MN1: variants seen among roughly 807,000 people sequenced by gnomAD.
The protein encoded by MN1 is transcriptional activator MN1.
A neutral mutation model predicts 86.9 loss-of-function variants in MN1; 19 were observed. The ratio of observed to expected loss-of-function variants is 0.22; its 90% CI spans 0.15 to 0.32. MN1 has a LOEUF of 0.32. MN1 is among the 10% of genes least tolerant of loss of function. MN1 has a pLI of 1.00. For missense variants in MN1, 1,841 were observed against 1,862.0 expected, an observed-to-expected ratio of 0.99 and a Z score of 0.21; for synonymous variants, 928 against 849.6, an observed-to-expected ratio of 1.09 and a Z score of -1.60.
Position 27,799,614 on chromosome 22 carries a change from A to ATGCTGCTGCTGCTGCTGCTGGGGC in MN1, c.906_929dup (p.Gln302_Gln309dup), listed in dbSNP as rs771479595. On this transcript the variant is annotated inframe_insertion, in exon 1 of 2. Coordinates refer to ENST00000302326, the MANE Select transcript of MN1 (RefSeq NM_002430.3). ...CACTGAACCTCTCAAAGAACACACC[A>ATGCTGCTGCTGCTGCTGCTGGGGC]TGCTGCTGCTGCTGCTGCTGGGGCT... The ATGCTGCTGCTGCTGCTGCTGGGGC allele has an allele frequency of 1.9e-6, 3 of 1,540,068 alleles. No homozygotes were observed. The highest frequency in any genetic ancestry group is 2.6e-6 in the Non-Finnish European group (3 of 1,141,630).
rs1933421692 is a variant in MN1 at position 27,800,734 on chromosome 22, C to T, written c.-191G>A. 16 of 661,448 alleles carry T rather than the reference C, an allele frequency of 2.4e-5. No homozygotes were observed. Among genetic ancestry groups the T allele is most frequent in the South Asian group, 1.3e-4 (7 of 52,118 alleles). The allele number at this position is 661,448 out of a possible 1,614,324, so 41.0% of individuals were successfully genotyped here. On this transcript the variant is annotated 5_prime_UTR_variant, in exon 1 of 2. Transcript: ENST00000302326. ...CGGGGTATTAGCTCCTCTCCTGAAG[C>T]TCCGATTCTGCCCGGGGAGGGCCTC...
Position 27,796,731 on chromosome 22 carries a change from G to A in MN1, c.3781+32C>T, listed in dbSNP as rs199550060. 27 of 1,549,602 alleles carry A rather than the reference G, an allele frequency of 1.7e-5. No individual in the cohort carries two copies. In the African/African-American group the frequency reaches 2.8e-4, roughly 16 times the overall value. ...GCCCTGGGGATGGGGCGGGTCACCC[G>A]GGAAGTGAGAGGAAAACGAGTGTGC... On this transcript the variant is annotated intron_variant, in intron 1 of 1. Transcript: ENST00000302326.
In MN1 at chr22:27,800,203, A is replaced by G. The variant is rs776415356; in HGVS notation, c.341T>C (p.Phe114Ser). 28 of 1,561,820 alleles carry G rather than the reference A, an allele frequency of 1.8e-5. No individual in the cohort carries two copies. Among genetic ancestry groups the G allele is most frequent in the Non-Finnish European group, 2.3e-5 (27 of 1,156,454 alleles). Residue 114 changes from phenylalanine (F) to serine (S), a missense_variant, in exon 1 of 2, where the codon TTT becomes TCT. Phe to Ser is a radical substitution (Grantham distance 155, BLOSUM62 -2). Coordinates refer to ENST00000302326, the MANE Select transcript of MN1 (RefSeq NM_002430.3). ...SHHPHQHHPH[F>S]GGNFGGPDPG... ...GTCCGGGCCACCGAAGTTGCCCCCA[A>G]AGTGGGGGTGATGCTGGTGGGGATG...
At chr22:27,772,230 G>C (rs1458095485) in intron 1 of MN1, among the ~76,000 whole-genome samples, 1 of 152,148 alleles carries the variant, frequency 6.6e-6, no homozygotes, top group Non-Finnish European at 1.5e-5. Flanking sequence ...GCAGGGGCTG[G>C]GCCAACTCAG....
In MN1 at chr22:27,800,669, A is replaced by C; in HGVS notation, c.-126T>G. 1 of 1,371,770 alleles carries C rather than the reference A, an allele frequency of 7.3e-7. No homozygotes were observed. The highest frequency in any genetic ancestry group is 2.5e-5 in the East Asian group (1 of 40,806). The allele number at this position is 1,371,770 out of a possible 1,614,324, so 85.0% of individuals were successfully genotyped here. On this transcript the variant is annotated 5_prime_UTR_variant, in exon 1 of 2. Coordinates refer to ENST00000302326, the MANE Select transcript of MN1 (RefSeq NM_002430.3). ...GGGACGCTCAGCACCGCGGGGGCTC[A>C]GCGCGCACCTCCACCCCGCCTGATG...
chr22:27,796,780 T>C lies in MN1; in HGVS notation c.3764A>G (p.Asn1255Ser). 6.2e-7 allele frequency: 1 copy of C among 1,601,770 alleles called. No individual in the cohort carries two copies. Among genetic ancestry groups the C allele is most frequent in the Non-Finnish European group, 8.5e-7 (1 of 1,177,282 alleles). The change falls in exon 1 of 2, where the codon AAC becomes AGC. Residue 1255 changes from asparagine to serine, a missense_variant. Physicochemically the swap from Asn to Ser is conservative, Grantham distance 46 (BLOSUM62 1). Coordinates refer to ENST00000302326, the MANE Select transcript of MN1 (RefSeq NM_002430.3). ...GCATATACCTTCTTTGCTGTTGGGG[T>C]TCTGGGGTTTGGCCTTCTCCCAGGG... Reference protein sequence around the residue: ...LAPWEKAKPQNPNSKEAHDLP... With the variant: ...LAPWEKAKPQSPNSKEAHDLP...
chr22:27,770,052 T>C (rs561792084), intron 1 of MN1, among the ~76,000 whole-genome samples: 4 of 152,250 alleles, frequency 2.6e-5, no homozygotes, highest in South Asian at 2.1e-4. Context: ...TAATCCAATA[T>C]TGACAATGAG....
chr22:27,758,866 C>A (rs1238188639), intron 1 of MN1, among the ~76,000 whole-genome samples: 1 of 152,148 alleles, frequency 6.6e-6, no homozygotes, highest in African/African-American at 2.4e-5. Flanking sequence ...AGCTCTATTA[C>A]CCAGGTTGGA....
chr22:27,764,642 A>C (rs2146298187), intron 1 of MN1, among the ~76,000 whole-genome samples: 1 of 152,320 alleles, frequency 6.6e-6, no homozygotes, highest in Middle Eastern at 3.4e-3. Flanking sequence ...GCTGAGGGCA[A>C]GTCACTTAAT....
Position 27,798,068 on chromosome 22 carries a change from C to T in MN1, c.2476G>A (p.Ala826Thr). Reference protein sequence around the residue: ...KDNLFGQSCLAALSTACQNMI... With the variant: ...KDNLFGQSCLTALSTACQNMI... The stretch of plus-strand genomic sequence containing the variant: ...TTCTGGCAAGCGGTGGAGAGCGCAG[C>T]CAGGCAGCTCTGGCCGAACAGGTTG... The change falls in exon 1 of 2, where the codon GCT (alanine) becomes ACT (threonine). Residue 826 changes from alanine (A) to threonine (T), a missense_variant. Transcript: ENST00000302326. 1 of 1,611,274 alleles carries T rather than the reference C, an allele frequency of 6.2e-7. No homozygotes were observed. Among genetic ancestry groups the T allele is most frequent in the Non-Finnish European group, 8.5e-7 (1 of 1,179,866 alleles).
At position 27,799,488 on chromosome 22, in the gene MN1, G is replaced by GGGCTGCTGCTGA; in HGVS notation, c.1044_1055dup (p.Gln349_Pro352dup). 6.9e-7 allele frequency: 1 copy of GGGCTGCTGCTGA among 1,454,018 alleles called. No homozygotes were observed. The highest frequency in any genetic ancestry group is 1.5e-5 in the South Asian group (1 of 68,086). The allele number at this position is 1,454,018 out of a possible 1,614,324, so 90.1% of individuals were successfully genotyped here. A position where few individuals can be genotyped will look rare whatever the true frequency, so the allele number is the denominator to read the frequency against. ...GCTGCTGCTGTGGCGGCTGCTGCGGGGGCTGCTGCTGAGGGGGTGGCGGGG... is the reference window on the plus strand; with the variant it reads ...GCTGCTGCTGTGGCGGCTGCTGCGGGGGCTGCTGCTGAGGCTGCTGCTGAGGGGGTGGCGGGG... On this transcript the variant is annotated inframe_insertion, in exon 1 of 2. Transcript: ENST00000302326.
intron 1 of MN1, among the ~76,000 whole-genome samples, chr22:27,757,910 C>G (rs982183386): frequency 2.0e-5 from 3 of 152,064 alleles, no homozygotes; most frequent in African/African-American, 7.2e-5. Flanking sequence ...CTCCCCATCC[C>G]CCACAGTCAG....
intron 1 of MN1, among the ~76,000 whole-genome samples, chr22:27,782,292 T>C (rs879352274): frequency 1.4e-4 from 22 of 152,136 alleles, no homozygotes; most frequent in Non-Finnish European, 2.5e-4. Context: ...AGGCCTGAAA[T>C]TGCTGACGCA....
rs1568980739 is a variant in MN1 at position 27,792,344 on chromosome 22, ATATATAT to A, written c.3781+4412_3781+4418del. Among the ~76,000 whole-genome samples the A allele has an allele frequency of 2.0e-3, 276 of 135,936 alleles. 1 individual carries two copies. Among genetic ancestry groups the A allele is most frequent in the Middle Eastern group, 7.6e-3 (2 of 262 alleles). 89.2% of individuals were successfully genotyped at this position (135,936 alleles called of 152,430 possible). ...TATATATATATATATATATATATAT[ATATATAT>A]GAATATATAAATATATTTTGCATAT... On this transcript the variant is annotated intron_variant, in intron 1 of 1. Transcript: ENST00000302326.
Position 27,749,898 on chromosome 22 carries a change from G to A in MN1, c.*1017C>T, listed in dbSNP as rs1932746794. On this transcript the variant is annotated 3_prime_UTR_variant, in exon 2 of 2. Transcript: ENST00000302326. The stretch of plus-strand genomic sequence containing the variant: ...CCCCTCCTTCTTCCCTGGGATGCCC[G>A]GCCAGGAACAGCTTTCAGAAAAGGG... 2.6e-5 allele frequency: 6 copies of A among 230,346 alleles called. No individual in the cohort carries two copies. The highest frequency in any genetic ancestry group is 2.3e-4 in the Admixed American group (4 of 17,682). 14.3% of individuals were successfully genotyped at this position (230,346 alleles called of 1,614,324 possible). A position where few individuals can be genotyped will look rare whatever the true frequency, so the allele number is the denominator to read the frequency against.
intron 1 of MN1, among the ~76,000 whole-genome samples, chr22:27,758,150 C>CGCA (rs1932813103): frequency 6.6e-6 from 1 of 152,050 alleles, no homozygotes; most frequent in African/African-American, 2.4e-5. Context: ...CCCAGTGCCT[C>CGCA]GCAGCTTTGC....
intron 1 of MN1, among the ~76,000 whole-genome samples, chr22:27,770,824 CT>C (rs879531754): frequency 2.1e-3 from 303 of 143,938 alleles, no homozygotes; most frequent in African/African-American, 2.3e-3. Flanking sequence ...TGCCTGGCTA[CT>C]TTTTTTTTTT....
intron 1 of MN1, among the ~76,000 whole-genome samples, chr22:27,793,945 A>T (rs927732558): frequency 1.3e-5 from 2 of 152,176 alleles, no homozygotes; most frequent in African/African-American, 2.4e-5. Flanking sequence ...TTACGGCGTG[A>T]CAAAATAAAA....
chr22:27,797,790 G>A lies in MN1; in HGVS notation c.2754C>T (p.Leu918=), dbSNP rs1201449601. The A allele has an allele frequency of 1.2e-6, 2 of 1,602,356 alleles. No individual in the cohort carries two copies. Among genetic ancestry groups the A allele is most frequent in the Non-Finnish European group, 1.7e-6 (2 of 1,176,138 alleles). ...NPPAQGDGTS[L]SPNYTLESTS... The stretch of plus-strand genomic sequence containing the variant: ...TGGATTCCAGGGTGTAGTTGGGGGA[G>A]AGGCTGGTGCCGTCCCCCTGGGCTG... Residue 918 remains leucine (L), a synonymous_variant, in exon 1 of 2, where the codon CTC becomes CTT. Transcript: ENST00000302326.
Sources: allele counts gnomAD v4.1 joint callset (sites outside exome capture counted in the v4.1 genomes callset), GRCh38; gene constraint gnomAD v4.1.1; transcripts MANE v1.5; gene names NCBI Gene and HGNC (gene_info 2026-07-23, HGNC 2026-07-21).